The following NEBL variants were observed in gnomAD, a reference collection of about 807,000 sequenced individuals.
The protein encoded by NEBL is nebulette, also known as LIM and SH3 protein 2.
NEBL carries 122 observed loss-of-function variants against 140.2 expected under a neutral mutation model. The observed-to-expected ratio is 0.87, with a 90% CI of 0.75 to 1.01. The LOEUF is 1.01. Ranked by LOEUF, NEBL falls within the 50% of genes least tolerant of loss-of-function variation. The pLI, the probability that NEBL is intolerant of heterozygous loss-of-function variation, is 0.00. For missense variants in NEBL, 1,365 were observed against 1,231.3 expected (o/e 1.11, Z -1.62); for synonymous variants, 436 against 398.9 (o/e 1.09, Z -1.11).
At chr10:20,941,630 G>T (rs898338340) in intron 4 of NEBL, among the ~76,000 whole-genome samples, 2 of 150,780 alleles carry the variant, frequency 1.3e-5, no homozygotes, top group African/African-American at 4.9e-5. Context: ...AGTAGGAAAA[G>T]AGGAAGTCAA....
rs373203856 is a variant in NEBL, at chr10:20,988,387, G to GA, written c.250-26609dup. On this transcript the variant is annotated intron_variant, in intron 3 of 6. Coordinates refer to the NEBL transcript ENST00000417816. ...ATTGATAATAATTTTTATTTTACTGGAAAAATGGGACTACTTAGAAGAAAG... is the reference window on the plus strand; with the variant it reads ...ATTGATAATAATTTTTATTTTACTGGAAAAAATGGGACTACTTAGAAGAAAG... Among the ~76,000 whole-genome samples, 441 of 151,880 alleles carry GA rather than the reference G, an allele frequency of 2.9e-3. 3 individuals are homozygous for GA. Among genetic ancestry groups the GA allele is most frequent in the African/African-American group, 0.01 (423 of 41,418 alleles).
At chr10:21,149,107 C>G (rs1840034141) in intron 2 of NEBL, among the ~76,000 whole-genome samples, 2 of 152,184 alleles carry the variant, frequency 1.3e-5, no homozygotes, top group Admixed American at 6.5e-5. Flanking sequence ...TCACATTTCT[C>G]CATGGGTGTC....
intron 2 of NEBL, among the ~76,000 whole-genome samples, chr10:21,056,733 A>T (rs1225994533): frequency 6.6e-6 from 1 of 152,242 alleles, no homozygotes; most frequent in African/African-American, 2.4e-5. Context: ...AGCTGTATGG[A>T]TGCATCTCAA....
At chr10:20,839,666 T>C (rs1841225577) in intron 13 of NEBL, among the ~76,000 whole-genome samples, 1 of 152,198 alleles carries the variant, frequency 6.6e-6, no homozygotes, top group South Asian at 2.1e-4. Flanking sequence ...TATAAGACAC[T>C]GTTAAACTAC....
intron 2 of NEBL, among the ~76,000 whole-genome samples, chr10:21,164,300 A>G (rs762609184): frequency 6.6e-6 from 1 of 152,164 alleles, no homozygotes; most frequent in Non-Finnish European, 1.5e-5. Context: ...TAGAGACTTA[A>G]AGGAGTTCTA....
chr10:21,227,624 G>A lies in NEBL; in HGVS notation n.348+20297C>T, dbSNP rs138900975. Among the ~76,000 whole-genome samples the A allele has an allele frequency of 4.3e-4, 65 of 151,588 alleles. 1 individual carries two copies. In the East Asian group the frequency reaches 0.011, roughly 26 times the overall value. On this transcript the variant is annotated intron_variant and non_coding_transcript_variant, in intron 3 of 8. Transcript: ENST00000675702. ...GCATTTTACTTTGCCAGGAAATATT[G>A]CACTAAGGGAATTCAAAAGCACTTG...
At chr10:20,952,448 A>C (rs1048235346) in intron 4 of NEBL, among the ~76,000 whole-genome samples, 4 of 151,750 alleles carry the variant, frequency 2.6e-5, no homozygotes, top group African/African-American at 9.7e-5. Flanking sequence ...AGGAAAAAAA[A>C]AAAAAAAAAA....
chr10:21,179,199 T>C (rs1841348606), upstream of NEBL, among the ~76,000 whole-genome samples: 1 of 151,978 alleles, frequency 6.6e-6, no homozygotes, highest in Non-Finnish European at 1.5e-5. Flanking sequence ...AATCACAGGG[T>C]CAGCCTGCTC....
rs977319107 is a variant in NEBL, at chr10:21,231,590, C to T, written n.348+16331G>A. Among the ~76,000 whole-genome samples the T allele has an allele frequency of 3.3e-5, 5 of 151,824 alleles. No homozygotes were observed. In the Middle Eastern group the frequency reaches 0.01, roughly 310 times the overall value. ...AGAAAAAGAAAAGAGGATAATGAGACAGAACAATGTGGGGCAAGGGAACAG... is the reference window on the plus strand; with the variant it reads ...AGAAAAAGAAAAGAGGATAATGAGATAGAACAATGTGGGGCAAGGGAACAG... On this transcript the variant is annotated intron_variant and non_coding_transcript_variant, in intron 3 of 8. Transcript: ENST00000675702.
At chr10:21,254,383 A>G (rs1267345359) in intron 1 of NEBL, among the ~76,000 whole-genome samples, 1 of 151,996 alleles carries the variant, frequency 6.6e-6, no homozygotes, top group Non-Finnish European at 1.5e-5. Context: ...CAGCCTCACA[A>G]ATTTCTGGGA....
intron 2 of NEBL, among the ~76,000 whole-genome samples, chr10:21,094,789 T>C (rs1837104266): frequency 6.6e-6 from 1 of 152,218 alleles, no homozygotes; most frequent in African/African-American, 2.4e-5. Flanking sequence ...AGGTCACCTC[T>C]TTGCTTCTAA....
At chr10:21,186,949 A>G (rs1841482595) in intron 3 of NEBL, among the ~76,000 whole-genome samples, 1 of 151,886 alleles carries the variant, frequency 6.6e-6, no homozygotes. Flanking sequence ...GGTTGAATCT[A>G]CAGATTCAGA....
chr10:20,894,913 A>G (rs1847343766), intron 2 of NEBL, among the ~76,000 whole-genome samples: 1 of 144,096 alleles, frequency 6.9e-6, no homozygotes, highest in Non-Finnish European at 1.5e-5. Context: ...TGGGTGATAG[A>G]GCGAGACTCT....
At chr10:21,170,574 C>T (rs965314486) in intron 2 of NEBL, 16 of 152,478 alleles carry the variant, frequency 1.0e-4, no homozygotes, top group Admixed American at 9.2e-4. Flanking sequence ...TTTTGCTTCA[C>T]GCTATTCCAA....
chr10:21,021,322 A>C (rs1380212316), intron 2 of NEBL, among the ~76,000 whole-genome samples: 1 of 152,200 alleles, frequency 6.6e-6, no homozygotes, highest in Admixed American at 6.5e-5. Context: ...AAATGTTCTC[A>C]AATGCAAATC....
At chr10:21,112,859 A>T in intron 2 of NEBL, 1 of 286,048 alleles carries the variant, frequency 3.5e-6, no homozygotes, top group Non-Finnish European at 6.6e-6. Context: ...CAGGGCCTGT[A>T]CATATTCATA....
chr10:21,181,417 G>C (rs892713394), intron 3 of NEBL, among the ~76,000 whole-genome samples: 10 of 150,768 alleles, frequency 6.6e-5, no homozygotes, highest in Non-Finnish European at 1.3e-4. Context: ...AAAAAACAGA[G>C]AGCTATCATA....
chr10:21,004,143 T>C (rs770286946), intron 3 of NEBL, among the ~76,000 whole-genome samples: 2 of 152,208 alleles, frequency 1.3e-5, no homozygotes, highest in Non-Finnish European at 2.9e-5. Flanking sequence ...TAAACCATTC[T>C]AGCCTTTAAC....
At chr10:21,251,013 G>A (rs1331412383) in intron 2 of NEBL, among the ~76,000 whole-genome samples, 1 of 152,090 alleles carries the variant, frequency 6.6e-6, no homozygotes, top group African/African-American at 2.4e-5. Context: ...TCAGAACTAA[G>A]AAGAAGTACT....
Sources: gnomAD v4.1 joint callset for allele counts (sites outside exome capture counted in the v4.1 genomes callset) on GRCh38, gnomAD v4.1.1 for gene constraint, MANE v1.5 for transcripts, NCBI Gene and HGNC (gene_info 2026-07-23, HGNC 2026-07-21) for gene names.